The following GART variants were observed in gnomAD, a reference collection of about 807,000 sequenced individuals.
The protein encoded by GART is phosphoribosylglycinamide formyltransferase, phosphoribosylglycinamide synthetase, phosphoribosylaminoimidazole synthetase.
In GART, 43 loss-of-function variants were observed where a neutral mutation model predicts 107.2. The ratio of observed to expected loss-of-function variants is 0.40; its 90% CI spans 0.31 to 0.52. GART has a LOEUF of 0.52. GART is among the 20% of genes least tolerant of loss of function. The probability of loss-of-function intolerance (pLI) is 0.52; values close to 1 mark genes in which losing one functional copy is unlikely to be tolerated. For synonymous variants in GART, 434 were observed against 427.0 expected, an observed-to-expected ratio of 1.02 and a Z score of -0.20; for missense variants, 1,107 against 1,206.5, an observed-to-expected ratio of 0.92 and a Z score of 1.22.
At position 33,534,886 on chromosome 21, in the gene GART, T is replaced by C. The variant is rs907209120; in HGVS notation, c.242-133A>G. 3.6e-5 allele frequency: 25 copies of C among 691,980 alleles called. No homozygotes were observed. In the East Asian group the frequency reaches 7.3e-4, roughly 20 times the overall value. 42.9% of individuals were successfully genotyped at this position (691,980 alleles called of 1,614,324 possible). A position where few individuals can be genotyped will look rare whatever the true frequency, so the allele number is the denominator to read the frequency against. On this transcript the variant is annotated intron_variant, in intron 3 of 21. Coordinates refer to ENST00000381815, the MANE Select transcript of GART (RefSeq NM_000819.5). ...ACTGGTGGCAGAGGATAACTAACTT[T>C]TTCATGTTGTCTACTGGATAGAGAT...
chr21:33,525,217 T>A (rs1231969908), intron 10 of GART, among the ~76,000 whole-genome samples: 1 of 150,868 alleles, frequency 6.6e-6, no homozygotes, highest in Non-Finnish European at 1.5e-5. Flanking sequence ...AGACCTCGCC[T>A]CTACATAAAT....
Position 33,535,865 on chromosome 21 carries a change from T to C in GART, c.146-545A>G, listed in dbSNP as rs751766072. ...CAATATGATGAAACCCCGTCTCTAC[T>C]AAAAATACAAAAAGTAGCTGGGTGT... On this transcript the variant is annotated intron_variant, in intron 2 of 21. Transcript: ENST00000381815. Among the ~76,000 whole-genome samples, 10 of 152,008 alleles carry C rather than the reference T, an allele frequency of 6.6e-5. 1 individual carries two copies. The highest frequency in any genetic ancestry group is 4.4e-5 in the Non-Finnish European group (3 of 68,006).
At chr21:33,519,807 G>A (rs978035563) in intron 14 of GART, among the ~76,000 whole-genome samples, 1 of 147,002 alleles carries the variant, frequency 6.8e-6, no homozygotes, top group African/African-American at 2.6e-5. Flanking sequence ...CAACCTGGGT[G>A]ACAGAGAGAG....
At chr21:33,506,802 A>G (rs1455923034) in intron 18 of GART, among the ~76,000 whole-genome samples, 1 of 152,254 alleles carries the variant, frequency 6.6e-6, no homozygotes, top group Non-Finnish European at 1.5e-5. Context: ...AATTGCAAAC[A>G]GGTATATAAA....
At chr21:33,542,300 T>C (rs1175383496), upstream of GART, 2 of 152,360 alleles carry the variant, frequency 1.3e-5, no homozygotes, top group Middle Eastern at 3.4e-3. Flanking sequence ...AGCACGTTTA[T>C]AATGTGACAG....
Position 33,506,096 on chromosome 21 carries a change from G to C in GART, c.2461C>G (p.Leu821Val). 6.2e-7 allele frequency: 1 copy of C among 1,613,232 alleles called. No homozygotes were observed. Among genetic ancestry groups the C allele is most frequent in the East Asian group, 2.2e-5 (1 of 44,862 alleles). The change falls in exon 19 of 22, where the codon CTG (leucine) becomes GTG (valine). Residue 821 changes from leucine to valine, a missense_variant. Transcript: ENST00000381815. ...CGAGTACTGTCTATAAGTGCTTGCA[G>C]GTTCGATCCTGAGAAGGGAGAAAAA... is the stretch of plus-strand genomic sequence containing the variant. ...AVLISGTGSN[L>V]QALIDSTREP... is the part of the protein sequence containing the mutation.
intron 1 of GART, among the ~76,000 whole-genome samples, chr21:33,539,792 G>A (rs1601237189): frequency 6.6e-6 from 1 of 152,058 alleles, no homozygotes; most frequent in Admixed American, 6.6e-5. Context: ...GAAAAACTGG[G>A]ATTCATAATT....
At chr21:33,510,343 TTTTTG>T (rs2084763106) in intron 17 of GART, 1 of 155,320 alleles carries the variant, frequency 6.4e-6, no homozygotes, top group Admixed American at 6.5e-5. Context: ...CTTTTTTTTC[TTTTTG>T]AGATGGAGTC....
rs200745286 is a variant in GART, at chr21:33,519,823, CT to C, written c.1702+540del. Reference sequence around the variant, plus strand: ...AACCTGGGTGACAGAGAGAGATTCCCTTTTTTTTTTTTTTAAATTAAAAAAA... The same window carrying C: ...AACCTGGGTGACAGAGAGAGATTCCCTTTTTTTTTTTTTAAATTAAAAAAA... On this transcript the variant is annotated intron_variant, in intron 14 of 21. Transcript: ENST00000381815. 1.8e-4 allele frequency among the ~76,000 whole-genome samples: 11 copies of C among 61,222 alleles called. No individual in the cohort carries two copies. The South Asian group carries it at 2.5e-3, about 14-fold the overall frequency. The allele number at this position is 61,222 out of a possible 152,430, so 40.2% of individuals were successfully genotyped here. A position where few individuals can be genotyped will look rare whatever the true frequency, so the allele number is the denominator to read the frequency against.
chr21:33,518,626 C>T, intron 14 of GART: 2 of 348,728 alleles, frequency 5.7e-6, no homozygotes, highest in Admixed American at 3.7e-5. Flanking sequence ...TGTAAAATAG[C>T]AGCTCCTAGT....
upstream of GART, chr21:33,542,291 G>A (rs4817580): frequency 0.099 from 15,139 of 152,302 alleles, 1,001 homozygotes; most frequent in East Asian, 0.26. Context: ...CCAAGCCTTA[G>A]CACGTTTATA....
At chr21:33,526,147 A>T (rs2085070035) in intron 10 of GART, among the ~76,000 whole-genome samples, 1 of 151,496 alleles carries the variant, frequency 6.6e-6, no homozygotes, top group Non-Finnish European at 1.5e-5. Flanking sequence ...GGGATTAGTC[A>T]TGAGCCACTG....
At position 33,504,153 on chromosome 21, in the gene GART, C is replaced by T; in HGVS notation, c.3004G>A (p.Gly1002Ser). Residue 1002 changes from glycine to serine, a missense_variant, in exon 22 of 22, where the codon GGC (glycine) becomes AGC (serine). Transcript: ENST00000381815. ...ASGTVQLGEN[G>S]KICWVKEE ...TCCTCTTTAACCCAACAGATCTTGC[C>T]ATTTTCTCCAAGCTGTACAGTTCCA... The T allele has an allele frequency of 6.2e-7, 1 of 1,613,188 alleles. No individual in the cohort carries two copies. Among genetic ancestry groups the T allele is most frequent in the Non-Finnish European group, 8.5e-7 (1 of 1,179,490 alleles).
At chr21:33,522,116 T>A in intron 12 of GART, 72 bp downstream of exon 12, 1 of 1,188,372 alleles carries the variant, frequency 8.4e-7, no homozygotes, top group South Asian at 1.3e-5. Context: ...ATATTCCTGT[T>A]AAATATAAAA....
chr21:33,520,824 G>A (rs1231815959), intron 13 of GART, 82 bp downstream of exon 13: 1 of 1,075,444 alleles, frequency 9.3e-7, no homozygotes, highest in East Asian at 2.4e-5. Context: ...GCTCATATAT[G>A]TCAAGAGAAG....
intron 3 of GART, 27 bp downstream of exon 3, chr21:33,535,198 G>GT (rs772535467): frequency 7.0e-7 from 1 of 1,427,878 alleles, no homozygotes. Flanking sequence ...TGAATATACT[G>GT]TAACAATAAA....
At chr21:33,524,149 T>G (rs1174542648) in intron 11 of GART, 2 of 985,160 alleles carry the variant, frequency 2.0e-6, no homozygotes, top group Non-Finnish European at 2.4e-6. Flanking sequence ...TACAGTATAA[T>G]CAAATCAAAT....
chr21:33,532,169 T>G, intron 5 of GART, 176 bp downstream of exon 5: 2 of 596,460 alleles, frequency 3.4e-6, no homozygotes, highest in Middle Eastern at 4.3e-4. Flanking sequence ...TAATTTACAG[T>G]GTAAATCCAT....
intron 1 of GART, 63 bp from the exon 2 acceptor site, chr21:33,539,419 A>G: frequency 7.7e-7 from 1 of 1,302,294 alleles, no homozygotes; most frequent in Non-Finnish European, 1.1e-6. Flanking sequence ...AGGGACGGGC[A>G]CAGTGGCTCA....
Sources: gnomAD v4.1 joint callset for allele counts (sites outside exome capture counted in the v4.1 genomes callset) on GRCh38, gnomAD v4.1.1 for gene constraint, MANE v1.5 for transcripts, NCBI Gene and HGNC (gene_info 2026-07-23, HGNC 2026-07-21) for gene names.